The following SIPA1L2 variants were observed in gnomAD, a reference collection of about 807,000 sequenced individuals.
SIPA1L2 encodes the protein signal induced proliferation associated 1 like 2.
Under a neutral mutation model 163.9 loss-of-function variants are expected in SIPA1L2, and 56 were observed. The ratio of observed to expected loss-of-function variants is 0.34; its 90% CI spans 0.28 to 0.43. The LOEUF is 0.43. SIPA1L2 is among the 20% of genes least tolerant of loss of function. SIPA1L2 has a pLI of 1.00. For synonymous variants in SIPA1L2, 877 were observed against 865.7 expected, an observed-to-expected ratio of 1.01 and a Z score of -0.23; for missense variants, 1,974 against 2,193.5, an observed-to-expected ratio of 0.90 and a Z score of 2.00.
intron 2 of SIPA1L2, among the ~76,000 whole-genome samples, chr1:232,541,324 C>G (rs1486609828): frequency 1.3e-5 from 2 of 149,488 alleles, no homozygotes; most frequent in Non-Finnish European, 3.0e-5. Flanking sequence ...CTGGGCTTGC[C>G]ATTTATTAAT....
At chr1:232,484,172 C>T (rs1372016750) in intron 5 of SIPA1L2, among the ~76,000 whole-genome samples, 1 of 152,164 alleles carries the variant, frequency 6.6e-6, no homozygotes. Flanking sequence ...CAGCTGGAGA[C>T]ATGTCAGAAA....
intron 4 of SIPA1L2, 126 bp from the exon 5 acceptor site, chr1:232,491,188 G>C: frequency 1.3e-6 from 1 of 777,680 alleles, no homozygotes; most frequent in South Asian, 1.9e-5. Flanking sequence ...TAGTGAAAGG[G>C]GCGACAGTGT....
intron 19 of SIPA1L2, among the ~76,000 whole-genome samples, chr1:232,414,250 A>G (rs558691466): frequency 9.2e-5 from 14 of 152,246 alleles, no homozygotes; most frequent in African/African-American, 3.1e-4. Context: ...CCTTTCACCT[A>G]CTTCCCCTGT....
At chr1:232,606,038 A>G (rs567781393) in intron 1 of SIPA1L2, among the ~76,000 whole-genome samples, 1 of 152,308 alleles carries the variant, frequency 6.6e-6, no homozygotes, top group South Asian at 2.1e-4. Context: ...CAACAAATAT[A>G]TATTATAGGC....
At chr1:232,602,980 A>G (rs1247636738) in intron 1 of SIPA1L2, among the ~76,000 whole-genome samples, 1 of 152,248 alleles carries the variant, frequency 6.6e-6, no homozygotes, top group East Asian at 1.9e-4. Flanking sequence ...TCAAAATTCA[A>G]TGAAGGATGA....
chr1:232,430,797 C>T (rs1473241388), intron 16 of SIPA1L2, among the ~76,000 whole-genome samples: 1 of 152,182 alleles, frequency 6.6e-6, no homozygotes, highest in African/African-American at 2.4e-5. Flanking sequence ...AGAACTTCTA[C>T]AGCCTCTCCC....
intron 1 of SIPA1L2, among the ~76,000 whole-genome samples, chr1:232,590,756 T>C (rs776607026): frequency 1.3e-5 from 2 of 152,132 alleles, no homozygotes; most frequent in Non-Finnish European, 2.9e-5. Context: ...TGAAAGAATA[T>C]GAGATCTTCC....
chr1:232,402,011 G>A (rs1364900958), intron 22 of SIPA1L2, among the ~76,000 whole-genome samples: 2 of 152,198 alleles, frequency 1.3e-5, no homozygotes, highest in Non-Finnish European at 1.5e-5. Context: ...TCAAGACAGA[G>A]GACAGGACTC....
At chr1:232,578,734 TG>T (rs1286804057) in intron 1 of SIPA1L2, among the ~76,000 whole-genome samples, 10 of 152,216 alleles carry the variant, frequency 6.6e-5, no homozygotes, top group African/African-American at 2.2e-4. Context: ...TTCCTTCCTT[TG>T]TTACAGCAAA....
intron 2 of SIPA1L2, among the ~76,000 whole-genome samples, chr1:232,531,265 C>A (rs1250364994): frequency 6.6e-6 from 1 of 152,288 alleles, no homozygotes; most frequent in Admixed American, 6.5e-5. Context: ...CCACTTAAGA[C>A]CACCTTAAAA....
At chr1:232,534,041 C>A (rs1657151390) in intron 2 of SIPA1L2, among the ~76,000 whole-genome samples, 1 of 151,656 alleles carries the variant, frequency 6.6e-6, no homozygotes, top group Admixed American at 6.6e-5. Context: ...AAAAACTATC[C>A]TAAAATTCAT....
chr1:232,556,169 T>G (rs1658690762), intron 2 of SIPA1L2, among the ~76,000 whole-genome samples: 1 of 152,220 alleles, frequency 6.6e-6, no homozygotes, highest in African/African-American at 2.4e-5. Context: ...GATAAAAGCT[T>G]ACCTTTCTGT....
chr1:232,559,180 T>C (rs1400528267), intron 2 of SIPA1L2, among the ~76,000 whole-genome samples: 2 of 152,164 alleles, frequency 1.3e-5, no homozygotes, highest in Non-Finnish European at 2.9e-5. Flanking sequence ...TGCCAGCCCA[T>C]GGGGTAGCAG....
intron 2 of SIPA1L2, among the ~76,000 whole-genome samples, chr1:232,519,352 G>A (rs867667147): frequency 6.6e-6 from 1 of 152,218 alleles, no homozygotes; most frequent in Non-Finnish European, 1.5e-5. Context: ...TGGCTACGCG[G>A]CTGTGTGCAG....
chr1:232,531,506 C>A (rs1294396878), intron 2 of SIPA1L2, among the ~76,000 whole-genome samples: 1 of 152,148 alleles, frequency 6.6e-6, no homozygotes, highest in Non-Finnish European at 1.5e-5. Flanking sequence ...ATTTTTTCAA[C>A]AAATACGTAT....
At chr1:232,496,867 C>A (rs1666221231) in intron 3 of SIPA1L2, among the ~76,000 whole-genome samples, 1 of 152,036 alleles carries the variant, frequency 6.6e-6, no homozygotes. Flanking sequence ...AGTCATAAGA[C>A]AAAAGCTTCC....
intron 5 of SIPA1L2, among the ~76,000 whole-genome samples, chr1:232,484,980 A>G (rs1665572555): frequency 6.6e-6 from 1 of 152,220 alleles, no homozygotes; most frequent in South Asian, 2.1e-4. Flanking sequence ...ATTTCCCTTG[A>G]GCAGCAAAGT....
intron 4 of SIPA1L2, among the ~76,000 whole-genome samples, chr1:232,492,226 C>G (rs1665968180): frequency 6.6e-6 from 1 of 152,124 alleles, no homozygotes; most frequent in Admixed American, 6.5e-5. Context: ...TGTGTTTTCT[C>G]TGATCTAGAA....
At chr1:232,446,323 T>G (rs1031839710) in intron 10 of SIPA1L2, among the ~76,000 whole-genome samples, 1 of 152,210 alleles carries the variant, frequency 6.6e-6, no homozygotes, top group Non-Finnish European at 1.5e-5. Flanking sequence ...GGACCAAGAC[T>G]GGGCCTCTGG....
Sources: gnomAD v4.1 joint callset for allele counts (sites outside exome capture counted in the v4.1 genomes callset) on GRCh38, gnomAD v4.1.1 for gene constraint, MANE v1.5 for transcripts, NCBI Gene and HGNC (gene_info 2026-07-23, HGNC 2026-07-21) for gene names.